Variants in CAMK1D observed in about 807,000 individuals in gnomAD.
CAMK1D encodes calcium/calmodulin dependent protein kinase ID.
CAMK1D carries 9 observed loss-of-function variants against 47.7 expected under a neutral mutation model. The ratio of observed to expected loss-of-function variants is 0.19; its 90% confidence interval spans 0.11 to 0.33. The LOEUF (loss-of-function observed/expected upper bound fraction) is 0.33, where lower values mean the gene tolerates loss of function less well. Ranked by LOEUF, CAMK1D falls within the 10% of genes least tolerant of loss-of-function variation. CAMK1D has a pLI of 1.00. For missense variants in CAMK1D, 291 were observed against 488.7 expected (o/e 0.60, Z 3.81); for synonymous variants, 184 against 184.9 (o/e 0.99, Z 0.04).
intron 1 of CAMK1D, among the ~76,000 whole-genome samples, chr10:12,400,695 C>G (rs1457001100): frequency 6.6e-6 from 1 of 152,012 alleles, no homozygotes; most frequent in Non-Finnish European, 1.5e-5. Context: ...CTGGAATCCC[C>G]ACTTGAGGGC....
chr10:12,724,582 C>G (rs1834533322), intron 3 of CAMK1D, among the ~76,000 whole-genome samples: 2 of 152,220 alleles, frequency 1.3e-5, no homozygotes, highest in Admixed American at 1.3e-4. Flanking sequence ...TTAAAGAAAG[C>G]AAGTGAATAC....
intron 1 of CAMK1D, among the ~76,000 whole-genome samples, chr10:12,522,566 G>T (rs1050252376): frequency 6.6e-6 from 1 of 152,038 alleles, no homozygotes; most frequent in South Asian, 2.1e-4. Context: ...TCTTAGTACA[G>T]AACAAAATGA....
chr10:12,791,310 T>G, intron 6 of CAMK1D, 77 bp downstream of exon 6: 1 of 1,336,880 alleles, frequency 7.5e-7, no homozygotes, highest in Non-Finnish European at 1.1e-6. Context: ...GAAACAAAAT[T>G]TACCATTTTT....
chr10:12,381,850 C>T lies in CAMK1D; in HGVS notation c.92+31940C>T, dbSNP rs997214997. On this transcript the variant is annotated intron_variant, in intron 1 of 10. Coordinates refer to ENST00000619168, the MANE Select transcript of CAMK1D (RefSeq NM_153498.4). ...AATGATGAGTTCGACTGTGCTGTTG[C>T]CTGATGAGTTTTCATAGCAGAGACC... Among the ~76,000 whole-genome samples, 3 of 152,018 alleles carry T rather than the reference C, an allele frequency of 2.0e-5. No homozygotes were observed. In the South Asian group the frequency reaches 6.2e-4, roughly 32 times the overall value.
Position 12,534,228 on chromosome 10 carries a change from A to T in CAMK1D, c.93-18997A>T, listed in dbSNP as rs555938564. On this transcript the variant is annotated intron_variant, in intron 1 of 10. Transcript: ENST00000619168. ...TGTCTATCAGTCAATCAATGTATCAATCATGGAGTCTCGCTCTGTCACCCA... is the reference window on the plus strand; with the variant it reads ...TGTCTATCAGTCAATCAATGTATCATTCATGGAGTCTCGCTCTGTCACCCA... Among the ~76,000 whole-genome samples the T allele has an allele frequency of 2.6e-5, 4 of 152,228 alleles. 1 individual carries two copies. The East Asian group carries it at 7.7e-4, about 29-fold the overall frequency.
At chr10:12,753,157 C>T (rs1836067489) in intron 3 of CAMK1D, among the ~76,000 whole-genome samples, 1 of 152,150 alleles carries the variant, frequency 6.6e-6, no homozygotes, top group Admixed American at 6.6e-5. Context: ...GAGACTGAGG[C>T]AGGAGAATCA....
intron 1 of CAMK1D, among the ~76,000 whole-genome samples, chr10:12,448,815 G>A (rs1047597577): frequency 3.3e-5 from 5 of 152,128 alleles, no homozygotes; most frequent in African/African-American, 7.2e-5. Context: ...GTGACTATCC[G>A]GAAATGGAGT....
At chr10:12,513,877 T>G (rs1455606583) in intron 1 of CAMK1D, among the ~76,000 whole-genome samples, 1 of 152,166 alleles carries the variant, frequency 6.6e-6, no homozygotes, top group Admixed American at 6.5e-5. Flanking sequence ...TTAGAGTGAA[T>G]TCAAAACTCA....
chr10:12,518,838 A>C lies in CAMK1D; in HGVS notation c.93-34387A>C, dbSNP rs377730179. ...CAGATCAACAGGATCCCAAGGCAGA[A>C]GAATTTTTCTTAGTACAGAACAAAA... On this transcript the variant is annotated intron_variant, in intron 1 of 10. Transcript: ENST00000619168. 4.2e-5 allele frequency among the ~76,000 whole-genome samples: 5 copies of C among 120,352 alleles called. 1 individual carries two copies. The highest frequency in any genetic ancestry group is 2.4e-4 in the Admixed American group (3 of 12,438). 79.0% of individuals were successfully genotyped at this position (120,352 alleles called of 152,430 possible).
At chr10:12,421,683 G>A (rs1840057343) in intron 1 of CAMK1D, among the ~76,000 whole-genome samples, 1 of 151,502 alleles carries the variant, frequency 6.6e-6, no homozygotes, top group Admixed American at 6.6e-5. Context: ...GCATCACCAT[G>A]CCTGGCTAAT....
At chr10:12,731,928 G>A (rs188270360) in intron 3 of CAMK1D, among the ~76,000 whole-genome samples, 56 of 152,188 alleles carry the variant, frequency 3.7e-4, no homozygotes, top group East Asian at 3.5e-3. Context: ...TAGGGAGGAG[G>A]ACTGAATTGG....
chr10:12,587,672 G>T (rs7083669), intron 2 of CAMK1D, among the ~76,000 whole-genome samples: 9,329 of 152,156 alleles, frequency 0.061, 393 homozygotes, highest in African/African-American at 0.11. Flanking sequence ...ATGTGCAGAT[G>T]GAGTGGCTCA....
intron 1 of CAMK1D, among the ~76,000 whole-genome samples, chr10:12,488,274 C>G (rs1210422572): frequency 1.3e-5 from 2 of 152,116 alleles, no homozygotes; most frequent in Non-Finnish European, 2.9e-5. Flanking sequence ...GTGGTTAACA[C>G]TCAGTGCTTC....
chr10:12,482,978 G>T (rs143770937), intron 1 of CAMK1D, among the ~76,000 whole-genome samples: 30 of 152,140 alleles, frequency 2.0e-4, no homozygotes, highest in African/African-American at 6.7e-4. Context: ...CCCACATTAC[G>T]GTGCTAGCTA....
rs36015215 is a variant in CAMK1D at position 12,361,545 on chromosome 10, C to CT, written c.92+11659dup. ...CAGGCATGAGCCACTGTGCCTGGCC[C>CT]TTTTTTTTTTTTTTTTTTTTTTTTA... On this transcript the variant is annotated intron_variant, in intron 1 of 10. Coordinates refer to ENST00000619168, the MANE Select transcript of CAMK1D (RefSeq NM_153498.4). Among the ~76,000 whole-genome samples the CT allele has an allele frequency of 2.6e-3, 164 of 63,092 alleles. 2 individuals are homozygous for CT. The highest frequency in any genetic ancestry group is 0.015 in the Middle Eastern group (1 of 68). The allele number at this position is 63,092 out of a possible 152,430, so 41.4% of individuals were successfully genotyped here. A position where few individuals can be genotyped will look rare whatever the true frequency, so the allele number is the denominator to read the frequency against.
chr10:12,397,426 C>T (rs145970073), intron 1 of CAMK1D, among the ~76,000 whole-genome samples: 16 of 152,302 alleles, frequency 1.1e-4, no homozygotes, highest in East Asian at 3.9e-4. Context: ...TTCCCCCACA[C>T]GGCTTTGCAG....
At chr10:12,494,777 C>T (rs1203503494) in intron 1 of CAMK1D, among the ~76,000 whole-genome samples, 1 of 152,094 alleles carries the variant, frequency 6.6e-6, no homozygotes, top group Non-Finnish European at 1.5e-5. Flanking sequence ...CCATGTTGGC[C>T]AGGCCGGTCT....
At chr10:12,576,949 C>T (rs188421030) in intron 2 of CAMK1D, among the ~76,000 whole-genome samples, 6 of 152,258 alleles carry the variant, frequency 3.9e-5, no homozygotes, top group Admixed American at 2.0e-4. Context: ...CACATCTCTG[C>T]GAGTGACACA....
intron 1 of CAMK1D, among the ~76,000 whole-genome samples, chr10:12,471,863 C>T (rs1352106339): frequency 6.6e-6 from 1 of 151,762 alleles, no homozygotes; most frequent in Non-Finnish European, 1.5e-5. Context: ...AAGACTCTCT[C>T]TCTACAAAAA....
Sources: gnomAD v4.1 joint callset for allele counts (sites outside exome capture counted in the v4.1 genomes callset) on GRCh38, gnomAD v4.1.1 for gene constraint, MANE v1.5 for transcripts, NCBI Gene and HGNC (gene_info 2026-07-23, HGNC 2026-07-21) for gene names.